Variants in CLEC12B observed in about 807,000 individuals in gnomAD.
CLEC12B encodes the protein C-type lectin domain family 12 member B.
Under a neutral mutation model 36.1 loss-of-function variants are expected in CLEC12B, and 25 were observed. The ratio of observed to expected loss-of-function variants is 0.69; its 90% confidence interval spans 0.50 to 0.97. The LOEUF is 0.97. Ranked by LOEUF, CLEC12B falls within the 50% of genes least tolerant of loss-of-function variation. The probability of loss-of-function intolerance (pLI) is 0.00; values close to 1 mark genes in which losing one functional copy is unlikely to be tolerated. For synonymous variants in CLEC12B, 110 were observed against 108.5 expected, an observed-to-expected ratio of 1.01 and a Z score of -0.09; for missense variants, 325 against 318.4, an observed-to-expected ratio of 1.02 and a Z score of -0.16.
At position 10,018,656 on chromosome 12, in the gene CLEC12B, T is replaced by C; in HGVS notation, c.*175T>C. ...CTCCAGTTCCTTGTCTGACGTCTTC[T>C]GATTTGATGTTATTATTCGGTCTTA... On this transcript the variant is annotated 3_prime_UTR_variant, in exon 6 of 6. Coordinates refer to ENST00000338896, the MANE Select transcript of CLEC12B (RefSeq NM_001129998.3). 1 of 589,570 alleles carries C rather than the reference T, an allele frequency of 1.7e-6. No individual in the cohort carries two copies. Among genetic ancestry groups the C allele is most frequent in the Admixed American group, 3.5e-5 (1 of 28,932 alleles). 36.5% of individuals were successfully genotyped at this position (589,570 alleles called of 1,614,324 possible). A position where few individuals can be genotyped will look rare whatever the true frequency, so the allele number is the denominator to read the frequency against.
chr12:10,007,205 A>G (rs1461476544), upstream of CLEC12B, among the ~76,000 whole-genome samples: 1 of 152,140 alleles, frequency 6.6e-6, no homozygotes, highest in Non-Finnish European at 1.5e-5. Context: ...GATCATGTGT[A>G]TGGTGTTACG....
rs182499817 is a variant in CLEC12B at position 10,012,805 on chromosome 12, A to G, written c.112A>G (p.Ile38Val). 2.7e-5 allele frequency: 43 copies of G among 1,613,574 alleles called. No homozygotes were observed. In the African/African-American group the frequency reaches 5.3e-4, roughly 20 times the overall value. Residue 38 changes from isoleucine (I) to valine (V), a missense_variant, in exon 2 of 6, where the codon ATT (isoleucine) becomes GTT (valine). Transcript: ENST00000338896. ...TCCAGGGCATCCAGCTCCATCTCCC[A>G]TTTGGCGTCATGCTGCTCTGGGTCT... is the stretch of plus-strand genomic sequence containing the variant. ...RKRGHPAPSP[I>V]WRHAALGLVT...
intron 3 of CLEC12B, among the ~76,000 whole-genome samples, 190 bp from the exon 4 acceptor site, chr12:10,015,062 T>A (rs1298708741): frequency 6.6e-6 from 1 of 152,184 alleles, no homozygotes; most frequent in Non-Finnish European, 1.5e-5. Context: ...GACTAAGCCA[T>A]GAAAAGAGAA....
intron 1 of CLEC12B, among the ~76,000 whole-genome samples, chr12:10,011,955 A>C (rs1865339278): frequency 6.6e-6 from 1 of 152,198 alleles, no homozygotes; most frequent in African/African-American, 2.4e-5. Context: ...TATCTAAAAC[A>C]TTGCGCTAGA....
At chr12:10,006,737 C>T (rs1245825272), upstream of CLEC12B, among the ~76,000 whole-genome samples, 1 of 152,100 alleles carries the variant, frequency 6.6e-6, no homozygotes, top group Non-Finnish European at 1.5e-5. Flanking sequence ...GTAATGTTGA[C>T]TTTAGCAGGA....
In CLEC12B at chr12:10,010,842, G is replaced by C. The variant is rs1177651165; in HGVS notation, c.83G>C (p.Arg28Thr). 1 of 1,608,512 alleles carries C rather than the reference G, an allele frequency of 6.2e-7. No homozygotes were observed. The highest frequency in any genetic ancestry group is 1.7e-5 in the Admixed American group (1 of 59,954). ...ARNNRDGNNL[R>T]KRGHPAPSPI... ...AATAACCGAGATGGAAATAACCTAA[G>C]AAAAAGAGGTAGGAGTTCAGAGAAG... Residue 28 changes from arginine to threonine, a missense_variant, in exon 1 of 6, where the codon AGA (arginine) becomes ACA (threonine). Transcript: ENST00000338896.
chr12:10,012,311 G>T lies in CLEC12B; in HGVS notation c.92-474G>T, dbSNP rs1228503149. 4.6e-5 allele frequency among the ~76,000 whole-genome samples: 7 copies of T among 152,272 alleles called. No individual in the cohort carries two copies. The East Asian group carries it at 1.3e-3, about 29-fold the overall frequency. On this transcript the variant is annotated intron_variant, in intron 1 of 5. Coordinates refer to ENST00000338896, the MANE Select transcript of CLEC12B (RefSeq NM_001129998.3). Reference sequence around the variant, plus strand: ...GCATCATCCAGAAAAGCAGTTTTTAGATCTCTCATTTATGAATTCAATAAA... The same window carrying T: ...GCATCATCCAGAAAAGCAGTTTTTATATCTCTCATTTATGAATTCAATAAA...
chr12:10,011,322 T>C (rs951219940), intron 1 of CLEC12B, among the ~76,000 whole-genome samples: 7 of 152,190 alleles, frequency 4.6e-5, no homozygotes, highest in African/African-American at 1.4e-4. Flanking sequence ...TTTTCTTTTG[T>C]CAGTATTTTT....
upstream of CLEC12B, among the ~76,000 whole-genome samples, chr12:10,007,300 TG>T (rs559827140): frequency 3.3e-4 from 50 of 151,556 alleles, no homozygotes; most frequent in African/African-American, 5.8e-4. Context: ...CAAGTAGAGA[TG>T]AAAAAAATGG....
At position 10,014,633 on chromosome 12, in the gene CLEC12B, A is replaced by T. The variant is rs754454852; in HGVS notation, c.301A>T (p.Asn101Tyr). Reference sequence around the variant, plus strand: ...ATCCCAGCAACTGGGCAACTCCAACAACTTGTCCATGGAGGAGGAATTTCT... The same window carrying T: ...ATCCCAGCAACTGGGCAACTCCAACTACTTGTCCATGGAGGAGGAATTTCT... The part of the protein sequence containing the change: ...NLSQQLGNSN[N>Y]LSMEEEFLKS... The change falls in exon 3 of 6, where the codon AAC becomes TAC. Residue 101 changes from asparagine (N) to tyrosine (Y), a missense_variant. Coordinates refer to ENST00000338896, the MANE Select transcript of CLEC12B (RefSeq NM_001129998.3). 1 of 1,613,586 alleles carries T rather than the reference A, an allele frequency of 6.2e-7. No individual in the cohort carries two copies. Among genetic ancestry groups the T allele is most frequent in the Non-Finnish European group, 8.5e-7 (1 of 1,179,534 alleles).
In CLEC12B at chr12:10,012,545, TC is replaced by T. The variant is rs200008541; in HGVS notation, c.92-234del. Among the ~76,000 whole-genome samples the T allele has an allele frequency of 3.7e-3, 565 of 151,836 alleles. 4 individuals are homozygous for T. The highest frequency in any genetic ancestry group is 0.013 in the African/African-American group (525 of 41,378). On this transcript the variant is annotated intron_variant, in intron 1 of 5. Coordinates refer to ENST00000338896, the MANE Select transcript of CLEC12B (RefSeq NM_001129998.3). ...TAGGTATATCTCCTAAAGGTATGCC[TC>T]CCCCCTCCCCCAACGAAGCTTCCTC...
chr12:10,017,829 CTATA>C (rs1865524628), intron 5 of CLEC12B: 1 of 957,770 alleles, frequency 1.0e-6, no homozygotes, highest in Admixed American at 6.2e-5. Flanking sequence ...AGAACCATAT[CTATA>C]TAGTCAATCA....
upstream of CLEC12B, among the ~76,000 whole-genome samples, chr12:10,010,366 G>A (rs1865297587): frequency 6.6e-6 from 1 of 152,176 alleles, no homozygotes; most frequent in African/African-American, 2.4e-5. Context: ...AGATTAGCTA[G>A]CCTTAGATAG....
At chr12:10,012,707 G>A (rs1865359644) in intron 1 of CLEC12B, 78 bp from the exon 2 acceptor site, 2 of 1,100,546 alleles carry the variant, frequency 1.8e-6, no homozygotes, top group Admixed American at 2.0e-5. Flanking sequence ...AGCTCCCTAA[G>A]TGGGAGAAAT....
upstream of CLEC12B, among the ~76,000 whole-genome samples, chr12:10,008,966 TGTAAAACGCACCAATCAGTGCCAC>T (rs1420308840): frequency 1.3e-5 from 2 of 152,112 alleles, no homozygotes; most frequent in Non-Finnish European, 1.5e-5. Context: ...ACAAGAGGAT[TGTAAAACGCACCAATCAGTGCCAC>T]GTAAAACGCA....
chr12:10,012,914 G>A, intron 2 of CLEC12B, 31 bp downstream of exon 2: 1 of 1,482,396 alleles, frequency 6.7e-7, no homozygotes, highest in Non-Finnish European at 9.4e-7. Context: ...CCCAACAAAG[G>A]CAACTAGAAA....
intron 1 of CLEC12B, 113 bp downstream of exon 1, chr12:10,010,963 A>C: frequency 1.6e-6 from 1 of 616,630 alleles, no homozygotes; most frequent in South Asian, 1.8e-5. Context: ...AAATCTCCAA[A>C]ATGGGGACAA....
chr12:10,015,090 C>T (rs940553128), intron 3 of CLEC12B, 162 bp from the exon 4 acceptor site: 4 of 658,356 alleles, frequency 6.1e-6, no homozygotes, highest in African/African-American at 5.4e-5. Context: ...TGCCCCAACC[C>T]ATAACCAGGG....
At chr12:10,015,475 C>G in intron 4 of CLEC12B, 69 bp downstream of exon 4, 1 of 1,561,452 alleles carries the variant, frequency 6.4e-7, no homozygotes, top group Non-Finnish European at 8.7e-7. Flanking sequence ...AATAAAACAT[C>G]TGATTCACAT....
Sources: allele counts gnomAD v4.1 joint callset (sites outside exome capture counted in the v4.1 genomes callset), GRCh38; gene constraint gnomAD v4.1.1; transcripts MANE v1.5; gene names NCBI Gene and HGNC (gene_info 2026-07-23, HGNC 2026-07-21).